The following ACADL variants were observed in gnomAD, a reference collection of about 807,000 sequenced individuals.
ACADL encodes the protein acyl-CoA dehydrogenase long chain.
ACADL carries 60 observed loss-of-function variants against 56.9 expected under a neutral mutation model. The observed-to-expected ratio is 1.05, with a 90% CI of 0.86 to 1.31. The LOEUF (loss-of-function observed/expected upper bound fraction) is 1.31. Among genes scored for constraint, ACADL ranks in the 50% most tolerant of loss-of-function variants. The pLI, the probability that ACADL is intolerant of heterozygous loss-of-function variation, is 0.00. For missense variants in ACADL, 484 were observed against 525.5 expected (o/e 0.92, Z 0.77); for synonymous variants, 158 against 179.7 (o/e 0.88, Z 0.97).
At chr2:210,199,743 TC>T (rs1171740907) in intron 8 of ACADL, among the ~76,000 whole-genome samples, 1 of 152,122 alleles carries the variant, frequency 6.6e-6, no homozygotes, top group African/African-American at 2.4e-5. Context: ...GTTTTTGTAT[TC>T]ATTTTTGTGG....
intron 4 of ACADL, among the ~76,000 whole-genome samples, chr2:210,216,036 A>T (rs1404673762): frequency 7.2e-5 from 11 of 152,206 alleles, no homozygotes; most frequent in Admixed American, 7.2e-4. Context: ...TGTCTCCAGA[A>T]TTCCAAATAT....
intron 4 of ACADL, among the ~76,000 whole-genome samples, chr2:210,215,586 G>A (rs1689073655): frequency 6.6e-6 from 1 of 152,056 alleles, no homozygotes; most frequent in Non-Finnish European, 1.5e-5. Flanking sequence ...TTGAGGATCA[G>A]GTCCCACTCT....
intron 1 of ACADL, 22 bp from the exon 2 acceptor site, chr2:210,220,824 T>C (rs771133936): frequency 1.3e-6 from 2 of 1,551,910 alleles, no homozygotes; most frequent in Non-Finnish European, 1.8e-6. Flanking sequence ...ATATATGCAA[T>C]AGGAAAAGTA....
intron 1 of ACADL, among the ~76,000 whole-genome samples, chr2:210,221,692 A>T (rs901994685): frequency 1.1e-4 from 17 of 152,050 alleles, no homozygotes; most frequent in East Asian, 3.9e-4. Flanking sequence ...AAGGGTTTTT[A>T]AAAAAATAAC....
At chr2:210,217,885 G>T in intron 3 of ACADL, 80 bp downstream of exon 3, 1 of 1,522,056 alleles carries the variant, frequency 6.6e-7, no homozygotes, top group Non-Finnish European at 9.1e-7. Flanking sequence ...TTGTTTGTTT[G>T]TTTGTTTGTT....
At chr2:210,190,477 T>C (rs542858507) in intron 10 of ACADL, among the ~76,000 whole-genome samples, 1 of 152,258 alleles carries the variant, frequency 6.6e-6, no homozygotes, top group East Asian at 1.9e-4. Context: ...AGTAGACCTT[T>C]TATATGTTAC....
chr2:210,188,763 T>TATTG lies in ACADL; in HGVS notation c.*194_*197dup. 1.9e-6 allele frequency: 1 copy of TATTG among 522,176 alleles called. No individual in the cohort carries two copies. The highest frequency in any genetic ancestry group is 3.4e-6 in the Non-Finnish European group (1 of 292,576). 32.3% of individuals were successfully genotyped at this position (522,176 alleles called of 1,614,324 possible). On this transcript the variant is annotated 3_prime_UTR_variant, in exon 11 of 11. Transcript: ENST00000233710. ...ATAAAAAACTGTAAGTTAAACCTTA[T>TATTG]ATTGGAAAACTAGAATTTTGGCTTC...
intron 8 of ACADL, among the ~76,000 whole-genome samples, chr2:210,196,292 C>G (rs1314588076): frequency 1.3e-5 from 2 of 151,072 alleles, no homozygotes; most frequent in African/African-American, 4.9e-5. Context: ...ATTACCCAGT[C>G]TCAGGTATTT....
In ACADL at chr2:210,195,287, C is replaced by G. The variant is rs1182273124; in HGVS notation, c.1036G>C (p.Ala346Pro). ...ELKTHICVTR[A>P]FVDNCLQLHE... ...AGCTGGAGACAGTTGTCCACAAATG[C>G]TCGGGTTACACATATATGTGTTTTT... The change falls in exon 9 of 11, where the codon GCA becomes CCA. Residue 346 changes from alanine (A) to proline (P), a missense_variant. By Grantham distance (27) the Ala-to-Pro change is conservative. Transcript: ENST00000233710. The G allele has an allele frequency of 1.2e-6, 2 of 1,613,674 alleles. No individual in the cohort carries two copies. The highest frequency in any genetic ancestry group is 1.3e-5 in the African/African-American group (1 of 74,898).
intron 4 of ACADL, among the ~76,000 whole-genome samples, chr2:210,214,524 A>AGAAG (rs1559640015): frequency 1.5e-4 from 23 of 151,978 alleles, no homozygotes; most frequent in Admixed American, 3.9e-4. Context: ...AAAGAAAGAA[A>AGAAG]GAAAGAAATC....
chr2:210,200,767 C>T (rs988432328), intron 8 of ACADL, among the ~76,000 whole-genome samples: 4 of 151,858 alleles, frequency 2.6e-5, no homozygotes, highest in Admixed American at 6.6e-5. Context: ...GTTCCCAAAA[C>T]GACAAAGAGA....
chr2:210,198,860 A>G (rs1215269595), intron 8 of ACADL, among the ~76,000 whole-genome samples: 1 of 152,136 alleles, frequency 6.6e-6, no homozygotes, highest in African/African-American at 2.4e-5. Context: ...TTTATTGTCT[A>G]TTCCGCAAAA....
chr2:210,195,487 T>C (rs1688695542), intron 8 of ACADL, 149 bp from the exon 9 acceptor site: 1 of 847,212 alleles, frequency 1.2e-6, no homozygotes, highest in African/African-American at 1.7e-5. Context: ...AAATGGCATT[T>C]GTTACCAAAT....
chr2:210,205,433 G>C (rs1235125621), intron 6 of ACADL, among the ~76,000 whole-genome samples, 199 bp downstream of exon 6: 1 of 152,040 alleles, frequency 6.6e-6, no homozygotes, highest in Non-Finnish European at 1.5e-5. Context: ...AAAATACCTT[G>C]ATTCATTTCT....
chr2:210,191,656 G>A (rs1481701624), intron 10 of ACADL, among the ~76,000 whole-genome samples: 3 of 152,078 alleles, frequency 2.0e-5, no homozygotes, highest in Admixed American at 2.0e-4. Flanking sequence ...AAATCATTAG[G>A]CTGCCAGTTT....
At chr2:210,210,127 G>T in intron 5 of ACADL, 69 bp downstream of exon 5, 1 of 1,167,704 alleles carries the variant, frequency 8.6e-7, no homozygotes, top group Non-Finnish European at 1.3e-6. Context: ...TTAATGAGTT[G>T]TCTTTGAGAC....
At chr2:210,204,787 A>G (rs538747624) in intron 6 of ACADL, 105 bp from the exon 7 acceptor site, 5 of 949,228 alleles carry the variant, frequency 5.3e-6, no homozygotes, top group East Asian at 5.1e-5. Flanking sequence ...ACAAAACACA[A>G]ATTGGAAGCC....
intron 3 of ACADL, chr2:210,217,526 T>A (rs1021622963): frequency 2.5e-5 from 4 of 162,694 alleles, no homozygotes; most frequent in Admixed American, 1.2e-4. Context: ...TTTTCTCATT[T>A]AAAAAAACAT....
At chr2:210,206,492 A>G (rs576624939) in intron 5 of ACADL, among the ~76,000 whole-genome samples, 2 of 152,180 alleles carry the variant, frequency 1.3e-5, no homozygotes, top group South Asian at 4.2e-4. Flanking sequence ...TGTAAATGGC[A>G]CTATATTATT....
Sources: gnomAD v4.1 joint callset for allele counts (sites outside exome capture counted in the v4.1 genomes callset) on GRCh38, gnomAD v4.1.1 for gene constraint, MANE v1.5 for transcripts, NCBI Gene and HGNC (gene_info 2026-07-23, HGNC 2026-07-21) for gene names.